Variants in KIN observed in about 807,000 individuals in gnomAD.
The protein encoded by KIN is Kin17 DNA and RNA binding protein.
KIN carries 47 observed loss-of-function variants against 63.0 expected under a neutral mutation model. The ratio of observed to expected loss-of-function variants is 0.75; its 90% CI spans 0.59 to 0.95. The LOEUF (loss-of-function observed/expected upper bound fraction) is 0.95. Among genes scored for constraint, KIN ranks in the 40% least tolerant of loss-of-function variants. The probability of loss-of-function intolerance (pLI) is 0.00; values close to 1 mark genes in which losing one functional copy is unlikely to be tolerated. For synonymous variants in KIN, 160 were observed against 157.7 expected (o/e 1.01, Z -0.11); for missense variants, 408 against 460.9 (o/e 0.89, Z 1.05).
At chr10:7,756,661 A>G (rs1223991019) in intron 12 of KIN, among the ~76,000 whole-genome samples, 4 of 152,234 alleles carry the variant, frequency 2.6e-5, no homozygotes, top group African/African-American at 9.6e-5. Context: ...TCCCTGATCA[A>G]AAATACCCAT....
rs774072342 is a variant in KIN, at chr10:7,756,152, A to C, written c.1120-10T>G. On this transcript the variant is annotated splice_polypyrimidine_tract_variant and intron_variant, in intron 12 of 12. Transcript: ENST00000379562. ...GTCCTTTTAAAGGGCCCTACAAATTAAAATAATTTAAAATAAGGTTAAAAA... is the reference window on the plus strand; with the variant it reads ...GTCCTTTTAAAGGGCCCTACAAATTCAAATAATTTAAAATAAGGTTAAAAA... The C allele has an allele frequency of 1.3e-4, 188 of 1,463,492 alleles. No homozygotes were observed. Among genetic ancestry groups the C allele is most frequent in the Non-Finnish European group, 1.6e-4 (172 of 1,072,478 alleles). 90.7% of individuals were successfully genotyped at this position (1,463,492 alleles called of 1,614,324 possible). A position where few individuals can be genotyped will look rare whatever the true frequency, so the allele number is the denominator to read the frequency against.
intron 12 of KIN, 133 bp from the exon 13 acceptor site, chr10:7,756,275 T>C: frequency 4.0e-6 from 2 of 501,388 alleles, no homozygotes. Context: ...TTAACATTTG[T>C]ATACATCTAT....
intron 9 of KIN, among the ~76,000 whole-genome samples, chr10:7,764,595 G>T (rs1277186265): frequency 1.3e-5 from 2 of 152,190 alleles, no homozygotes; most frequent in Non-Finnish European, 2.9e-5. Context: ...GAAGGACTTT[G>T]GGGAGAGGGT....
At chr10:7,763,603 CAAG>C (rs1321852128) in intron 10 of KIN, 117 bp downstream of exon 10, 1 of 638,092 alleles carries the variant, frequency 1.6e-6, no homozygotes. Context: ...ATGGAATAAT[CAAG>C]AATTTTAAAC....
In KIN at chr10:7,778,933, G is replaced by C. The variant is rs141967940; in HGVS notation, c.463C>G (p.Leu155Val). Residue 155 changes from leucine (L) to valine (V), a missense_variant, in exon 5 of 13, where the codon CTG becomes GTG. Physicochemically the swap from Leu to Val is conservative, Grantham distance 32. Around this residue, in one of 2 missense-constraint regions of KIN, gnomAD observed 298 missense variants for 296.0 expected, o/e 1.01. Transcript: ENST00000379562. ...DPETIRRQLELEKKKKQDLDD... is the reference protein window; with the variant it reads ...DPETIRRQLEVEKKKKQDLDD... The stretch of plus-strand genomic sequence containing the variant: ...AGGTCCTGCTTTTTCTTTTTCTCCA[G>C]TTCCAGTTGCCGGCGGATAGTTTCT... 45 of 1,613,720 alleles carry C rather than the reference G, an allele frequency of 2.8e-5. No individual in the cohort carries two copies. The African/African-American group carries it at 5.3e-4, about 19-fold the overall frequency.
intron 12 of KIN, among the ~76,000 whole-genome samples, chr10:7,757,251 C>T (rs1167945903): frequency 6.6e-6 from 1 of 152,160 alleles, no homozygotes; most frequent in African/African-American, 2.4e-5. Context: ...GTAATCCCAG[C>T]ACTTTGGGAG....
At chr10:7,774,551 T>A (rs978686691) in intron 7 of KIN, among the ~76,000 whole-genome samples, 2 of 151,742 alleles carry the variant, frequency 1.3e-5, no homozygotes, top group African/African-American at 4.8e-5. Context: ...CTGGGCACAG[T>A]AGGGCGTGCC....
rs79009494 is a variant in KIN at position 7,784,961 on chromosome 10, T to C, written c.115-1786A>G. 1.3e-3 allele frequency among the ~76,000 whole-genome samples: 202 copies of C among 152,214 alleles called. 1 individual carries two copies. The highest frequency in any genetic ancestry group is 4.7e-3 in the African/African-American group (196 of 41,538). ...GATATACAAGATCACCTATAAAGAA[T>C]ACTATAGGCTGGGCATGGTGGCTTG... On this transcript the variant is annotated intron_variant, in intron 1 of 12. Coordinates refer to ENST00000379562, the MANE Select transcript of KIN (RefSeq NM_012311.4).
intron 1 of KIN, among the ~76,000 whole-genome samples, chr10:7,784,015 TC>T (rs1349913270): frequency 6.6e-6 from 1 of 152,320 alleles, no homozygotes; most frequent in Non-Finnish European, 1.5e-5. Context: ...AATTTTTGCC[TC>T]ATCTGTGCCC....
chr10:7,776,105 C>G (rs960211877), intron 5 of KIN, among the ~76,000 whole-genome samples: 1 of 151,712 alleles, frequency 6.6e-6, no homozygotes, highest in Non-Finnish European at 1.5e-5. Context: ...TGGTATGCAC[C>G]TGTAATCCCA....
rs1288569343 is a variant in KIN, at chr10:7,755,655, TACC to T, written c.*422_*424del. 3 of 152,914 alleles carry T rather than the reference TACC, an allele frequency of 2.0e-5. No homozygotes were observed. The highest frequency in any genetic ancestry group is 4.4e-5 in the Non-Finnish European group (3 of 68,530). The allele number at this position is 152,914 out of a possible 1,614,324, so 9.5% of individuals were successfully genotyped here. On this transcript the variant is annotated 3_prime_UTR_variant, in exon 13 of 13. Transcript: ENST00000379562. ...GTGAACTGTATGGTATATGAATTAT[TACC>T]ACAATAAAGCTGCTTCTATATTTAT... is the stretch of plus-strand genomic sequence containing the variant.
chr10:7,772,049 G>A (rs895213599), intron 7 of KIN, among the ~76,000 whole-genome samples: 1 of 152,268 alleles, frequency 6.6e-6, no homozygotes, highest in Non-Finnish European at 1.5e-5. Context: ...AGCAGCAGAT[G>A]TAAAGGCAAG....
chr10:7,780,232 G>C (rs758639136), intron 3 of KIN, 32 bp downstream of exon 3: 12 of 1,610,100 alleles, frequency 7.5e-6, no homozygotes, highest in Non-Finnish European at 1.7e-6. Flanking sequence ...CATTTATAAA[G>C]CTGTTATTTG....
intron 8 of KIN, among the ~76,000 whole-genome samples, chr10:7,766,930 G>A (rs534285729): frequency 6.6e-6 from 1 of 151,642 alleles, no homozygotes; most frequent in East Asian, 2.0e-4. Context: ...GCTGAGACGT[G>A]AGAATTGCTT....
In KIN at chr10:7,780,273, T is replaced by C. The variant is rs968586725; in HGVS notation, c.244A>G (p.Arg82Gly). The change falls in exon 3 of 13, where the codon AGA becomes GGA. Residue 82 changes from arginine (R) to glycine (G), a missense_variant. Transcript: ENST00000379562. ...TATTTAAAATGTTTACCAAAGCGTC[T>C]CCTGAGAAGTTCTAGAAAGTCATTT... ...FRNDFLELLR[R>G]RFGTKRVHNN... 6.8e-6 allele frequency: 11 copies of C among 1,608,896 alleles called. No individual in the cohort carries two copies. The South Asian group carries it at 1.2e-4, about 18-fold the overall frequency.
chr10:7,759,577 T>C (rs1835398399), intron 12 of KIN, among the ~76,000 whole-genome samples: 1 of 152,016 alleles, frequency 6.6e-6, no homozygotes, highest in Admixed American at 6.6e-5. Flanking sequence ...ACACCAAGAT[T>C]GGAAAGGAAC....
intron 2 of KIN, among the ~76,000 whole-genome samples, chr10:7,782,571 G>C (rs1835919558): frequency 6.6e-6 from 1 of 151,926 alleles, no homozygotes; most frequent in African/African-American, 2.4e-5. Context: ...GCTAATTTTT[G>C]TATTTTTAGT....
chr10:7,769,398 C>T lies in KIN; in HGVS notation c.669-53G>A, dbSNP rs868478545. The T allele has an allele frequency of 7.7e-5, 120 of 1,550,684 alleles. No individual in the cohort carries two copies. In the Middle Eastern group the frequency reaches 2.8e-3, roughly 36 times the overall value. ...ACCAAGAACCATACACAGACGAATG[C>T]TTTACGATGTGCAAAATTCACAATA... On this transcript the variant is annotated intron_variant, in intron 7 of 12. Coordinates refer to ENST00000379562, the MANE Select transcript of KIN (RefSeq NM_012311.4).
Position 7,758,317 on chromosome 10 carries a change from G to A in KIN, c.1119+1573C>T, listed in dbSNP as rs546944736. On this transcript the variant is annotated intron_variant, in intron 12 of 12. Transcript: ENST00000379562. Reference sequence around the variant, plus strand: ...ACTCCTGACCTCAGGTGATTCGTCCGCCTCAGCCTCCCAAAGTGCTGGAAT... The same window carrying A: ...ACTCCTGACCTCAGGTGATTCGTCCACCTCAGCCTCCCAAAGTGCTGGAAT... Among the ~76,000 whole-genome samples the A allele has an allele frequency of 9.9e-5, 15 of 152,154 alleles. No homozygotes were observed. In the East Asian group the frequency reaches 2.3e-3, roughly 24 times the overall value.
Sources: allele counts gnomAD v4.1 joint callset (sites outside exome capture counted in the v4.1 genomes callset), GRCh38; gene constraint gnomAD v4.1.1; regional missense constraint gnomAD v4.1.1; transcripts MANE v1.5; gene names NCBI Gene and HGNC (gene_info 2026-07-23, HGNC 2026-07-21).